PDE11A: variants seen among roughly 807,000 people sequenced by gnomAD.
The protein encoded by PDE11A is phosphodiesterase 11A.
In PDE11A, 100 loss-of-function variants were observed where a neutral mutation model predicts 100.5. The ratio of observed to expected loss-of-function variants is 1.00; its 90% CI spans 0.85 to 1.18. PDE11A has a LOEUF of 1.18. Ranked by LOEUF, PDE11A falls within the 50% of genes most tolerant of loss-of-function variation. PDE11A has a pLI of 0.00. For synonymous variants in PDE11A, 381 were observed against 420.8 expected, an observed-to-expected ratio of 0.91 and a Z score of 1.16; for missense variants, 1,141 against 1,152.6, an observed-to-expected ratio of 0.99 and a Z score of 0.15.
At chr2:177,702,677 G>A (rs1218063264) in intron 13 of PDE11A, 1 of 152,166 alleles carries the variant, frequency 6.6e-6, no homozygotes, top group Non-Finnish European at 1.5e-5. Context: ...AAGAATACAA[G>A]TGACCTGCAA....
intron 10 of PDE11A, among the ~76,000 whole-genome samples, chr2:177,746,480 A>G (rs1299830467): frequency 6.6e-6 from 1 of 152,226 alleles, no homozygotes; most frequent in Admixed American, 6.5e-5. Flanking sequence ...GTCTGTAGAA[A>G]CAATGAAAAT....
At chr2:177,956,460 T>A (rs964210729) in intron 2 of PDE11A, among the ~76,000 whole-genome samples, 7 of 152,236 alleles carry the variant, frequency 4.6e-5, no homozygotes, top group African/African-American at 9.6e-5. Context: ...ACACTGTTGG[T>A]GGGACTGTAA....
chr2:177,797,178 C>T (rs11888049), intron 9 of PDE11A: 24,621 of 152,228 alleles, frequency 0.16, 2,077 homozygotes, highest in African/African-American at 0.18. Flanking sequence ...TCTCCTCCCA[C>T]TTCCATCAGG....
At chr2:177,894,035 G>A (rs2084572112) in intron 4 of PDE11A, among the ~76,000 whole-genome samples, 1 of 152,184 alleles carries the variant, frequency 6.6e-6, no homozygotes, top group Non-Finnish European at 1.5e-5. Flanking sequence ...GACCAAAAAT[G>A]TACAGATGAT....
intron 10 of PDE11A, among the ~76,000 whole-genome samples, chr2:177,742,039 GA>G (rs71410757): frequency 0.015 from 2,077 of 138,244 alleles, 64 homozygotes; most frequent in African/African-American, 0.053. Context: ...TGTCTCTTAA[GA>G]AAAAAAAAAA....
chr2:177,994,196 G>A (rs1224473437), intron 2 of PDE11A, among the ~76,000 whole-genome samples: 2 of 152,062 alleles, frequency 1.3e-5, no homozygotes, highest in African/African-American at 2.4e-5. Context: ...CTCCCAAAGT[G>A]GTGAGATTAC....
chr2:177,881,183 C>T (rs2084329061), intron 4 of PDE11A, among the ~76,000 whole-genome samples: 3 of 152,168 alleles, frequency 2.0e-5, no homozygotes, highest in South Asian at 4.1e-4. Flanking sequence ...ACTGGGACTC[C>T]TGATTCTCTG....
At chr2:177,845,188 C>T (rs1157012035) in intron 5 of PDE11A, among the ~76,000 whole-genome samples, 16 of 151,250 alleles carry the variant, frequency 1.1e-4, no homozygotes, top group South Asian at 2.1e-4. Context: ...CCACCTCCCT[C>T]CCGGACGGGG....
At chr2:177,782,807 TTC>T (rs750902679) in intron 9 of PDE11A, among the ~76,000 whole-genome samples, 7 of 152,000 alleles carry the variant, frequency 4.6e-5, no homozygotes, top group Non-Finnish European at 1.0e-4. Context: ...CTCCTTTTTC[TTC>T]TCTTTCTCTC....
chr2:177,837,461 G>C (rs1222191425), intron 6 of PDE11A, among the ~76,000 whole-genome samples: 2 of 150,342 alleles, frequency 1.3e-5, no homozygotes, highest in African/African-American at 5.0e-5. Flanking sequence ...TGGAGAATGG[G>C]TACTTTCTTT....
At chr2:178,014,207 C>G in intron 2 of PDE11A, 95 bp downstream of exon 2, 1 of 964,770 alleles carries the variant, frequency 1.0e-6, no homozygotes, top group Middle Eastern at 2.1e-4. Context: ...ATGGGCTAAT[C>G]CAACAGCTAT....
chr2:177,905,768 C>T (rs1214575880), intron 2 of PDE11A, among the ~76,000 whole-genome samples: 1 of 152,194 alleles, frequency 6.6e-6, no homozygotes, highest in Admixed American at 6.5e-5. Flanking sequence ...CGACAGAGTT[C>T]TAATTGTGTC....
At chr2:178,092,854 G>A (rs1424991698) in intron 2 of PDE11A, 4 of 152,180 alleles carry the variant, frequency 2.6e-5, no homozygotes, top group Non-Finnish European at 4.4e-5. Context: ...CGCCCTCCTC[G>A]GCCTCCAAGG....
chr2:178,077,440 C>G (rs2087222354), upstream of PDE11A, among the ~76,000 whole-genome samples: 1 of 152,036 alleles, frequency 6.6e-6, no homozygotes, highest in Non-Finnish European at 1.5e-5. Flanking sequence ...CACATGAAAT[C>G]ACTCAATCCA....
At chr2:178,036,229 A>C (rs894680568) in intron 1 of PDE11A, among the ~76,000 whole-genome samples, 4 of 152,198 alleles carry the variant, frequency 2.6e-5, no homozygotes, top group African/African-American at 9.6e-5. Flanking sequence ...ATATATCAAC[A>C]ATAGATGAGC....
intron 6 of PDE11A, among the ~76,000 whole-genome samples, chr2:177,839,047 G>A (rs961128186): frequency 6.6e-6 from 1 of 152,194 alleles, no homozygotes; most frequent in Admixed American, 6.5e-5. Context: ...ATGTAGCCTG[G>A]GGAAGAGAGT....
chr2:177,848,212 C>A (rs2083635933), intron 5 of PDE11A, among the ~76,000 whole-genome samples: 1 of 151,916 alleles, frequency 6.6e-6, no homozygotes, highest in Admixed American at 6.5e-5. Context: ...TAAGTCACAA[C>A]ACTATTTTGA....
In PDE11A at chr2:178,095,769, C is replaced by T. The variant is rs551997022; in HGVS notation, c.162+8533G>A. On this transcript the variant is annotated intron_variant, in intron 2 of 20. Transcript: ENST00000358450. ...AATCTAGGCAGAGGTTCCCAAACCT[C>T]AATTCTTGACTTCTGTGTACCTGCA... Among the ~76,000 whole-genome samples, 3 of 152,340 alleles carry T rather than the reference C, an allele frequency of 2.0e-5. No individual in the cohort carries two copies. In the East Asian group the frequency reaches 5.8e-4, roughly 29 times the overall value.
intron 2 of PDE11A, among the ~76,000 whole-genome samples, chr2:177,945,447 A>T (rs2085400771): frequency 8.0e-6 from 1 of 124,408 alleles, no homozygotes. Flanking sequence ...ATCGTCTGAG[A>T]TGTGGGGAGT....
Sources: allele counts gnomAD v4.1 joint callset (sites outside exome capture counted in the v4.1 genomes callset), GRCh38; gene constraint gnomAD v4.1.1; transcripts MANE v1.5; gene names NCBI Gene and HGNC (gene_info 2026-07-23, HGNC 2026-07-21).